CREB5: variants seen among roughly 807,000 people sequenced by gnomAD.
CREB5 encodes the protein cyclic AMP-responsive element-binding protein 5.
Under a neutral mutation model 57.1 loss-of-function variants are expected in CREB5, and 19 were observed. That is an observed-to-expected ratio of 0.33 (90% confidence interval 0.23 to 0.49). CREB5 has a LOEUF of 0.49. CREB5 is among the 20% of genes least tolerant of loss of function. CREB5 has a pLI of 0.99. For synonymous variants in CREB5, 238 were observed against 238.3 expected (o/e 1.00, Z 0.01); for missense variants, 579 against 671.6 (o/e 0.86, Z 1.52).
intron 5 of CREB5, among the ~76,000 whole-genome samples, chr7:28,656,499 T>A (rs1342402477): frequency 6.6e-6 from 1 of 152,220 alleles, no homozygotes; most frequent in Non-Finnish European, 1.5e-5. Flanking sequence ...TATTTCTAAG[T>A]TAAAATCAGA....
Position 28,822,761 on chromosome 7 carries a change from C to G in CREB5, c.*3482C>G, listed in dbSNP as rs868191293. The G allele has an allele frequency of 6.6e-6, 1 of 152,528 alleles. No individual in the cohort carries two copies. The highest frequency in any genetic ancestry group is 1.5e-5 in the Non-Finnish European group (1 of 68,034). The allele number at this position is 152,528 out of a possible 1,614,324, so 9.4% of individuals were successfully genotyped here. ...TCTCCTTGACACATTTCTCAATCCA[C>G]GAAGCCAGGAGAGGTAGAGTGAAAA... On this transcript the variant is annotated 3_prime_UTR_variant, in exon 11 of 11. Coordinates refer to ENST00000357727, the MANE Select transcript of CREB5 (RefSeq NM_182898.4).
chr7:28,664,084 T>C (rs1344914557), intron 5 of CREB5, among the ~76,000 whole-genome samples: 2 of 152,236 alleles, frequency 1.3e-5, no homozygotes, highest in South Asian at 4.1e-4. Context: ...GTGATGCTGA[T>C]GCTGCTGGTC....
intron 9 of CREB5, among the ~76,000 whole-genome samples, chr7:28,816,580 T>G (rs879388962): frequency 1.1e-3 from 51 of 44,898 alleles, no homozygotes; most frequent in Middle Eastern, 0.022. Context: ...TTTTATTTTA[T>G]TATTTTTGTT....
intron 3 of CREB5, among the ~76,000 whole-genome samples, chr7:28,501,798 CGT>C (rs1295100821): frequency 6.6e-6 from 1 of 152,088 alleles, no homozygotes. Flanking sequence ...CATGGTTGAT[CGT>C]GAGTAGGTGT....
intron 5 of CREB5, among the ~76,000 whole-genome samples, chr7:28,612,426 C>T (rs1015403744): frequency 2.0e-5 from 3 of 151,850 alleles, no homozygotes; most frequent in Admixed American, 6.6e-5. Flanking sequence ...GTACAGGAGA[C>T]ACTTTAAAAA....
At chr7:28,704,833 A>AT in intron 5 of CREB5, among the ~76,000 whole-genome samples, 1 of 152,084 alleles carries the variant, frequency 6.6e-6, no homozygotes, top group Non-Finnish European at 1.5e-5. Flanking sequence ...TGGTTCAGCC[A>AT]TTTTTTGTGT....
At chr7:28,379,087 C>T (rs1363376178) in intron 1 of CREB5, among the ~76,000 whole-genome samples, 3 of 152,206 alleles carry the variant, frequency 2.0e-5, no homozygotes, top group African/African-American at 7.2e-5. Flanking sequence ...TTCCCTCATA[C>T]TTTCATGGCT....
At chr7:28,742,755 T>C (rs531362564) in intron 7 of CREB5, among the ~76,000 whole-genome samples, 1 of 152,302 alleles carries the variant, frequency 6.6e-6, no homozygotes, top group Non-Finnish European at 1.5e-5. Flanking sequence ...TTTCAAGTAG[T>C]ATCACACACT....
intron 7 of CREB5, among the ~76,000 whole-genome samples, chr7:28,775,210 G>A (rs530719900): frequency 5.3e-5 from 8 of 151,956 alleles, no homozygotes; most frequent in South Asian, 4.2e-4. Context: ...CACTATTCCC[G>A]TTGCCCACAA....
At chr7:28,699,987 A>G (rs1335691009) in intron 5 of CREB5, among the ~76,000 whole-genome samples, 1 of 152,206 alleles carries the variant, frequency 6.6e-6, no homozygotes, top group African/African-American at 2.4e-5. Flanking sequence ...TTTTATATGT[A>G]TATAGTTCCC....
intron 1 of CREB5, among the ~76,000 whole-genome samples, chr7:28,459,486 A>G (rs1269876642): frequency 6.6e-6 from 1 of 152,156 alleles, no homozygotes; most frequent in Non-Finnish European, 1.5e-5. Flanking sequence ...AGGGCCCTTC[A>G]AAGGGTCCAT....
At chr7:28,511,669 AATG>A (rs1792706134) in intron 4 of CREB5, among the ~76,000 whole-genome samples, 1 of 152,022 alleles carries the variant, frequency 6.6e-6, no homozygotes, top group Non-Finnish European at 1.5e-5. Context: ...TATTTTTTGT[AATG>A]ATGGGGTTTC....
chr7:28,440,096 A>T (rs1789123488), intron 1 of CREB5, among the ~76,000 whole-genome samples: 2 of 152,196 alleles, frequency 1.3e-5, no homozygotes, highest in Admixed American at 6.5e-5. Flanking sequence ...GGTGCAAAAC[A>T]TTCCAACAGG....
chr7:28,459,121 G>A (rs1040457963), intron 1 of CREB5, among the ~76,000 whole-genome samples: 2 of 152,204 alleles, frequency 1.3e-5, no homozygotes, highest in Non-Finnish European at 2.9e-5. Flanking sequence ...TAACGCCCCA[G>A]TGAAAGTGGG....
intron 5 of CREB5, among the ~76,000 whole-genome samples, chr7:28,646,162 T>C (rs548368417): frequency 6.6e-6 from 1 of 152,314 alleles, no homozygotes; most frequent in African/African-American, 2.4e-5. Context: ...TAGATCTGTT[T>C]ATCACTTTAT....
intron 1 of CREB5, among the ~76,000 whole-genome samples, chr7:28,353,805 T>C (rs1786285295): frequency 7.9e-6 from 1 of 126,254 alleles, no homozygotes; most frequent in Non-Finnish European, 1.7e-5. Flanking sequence ...ATCACACCAC[T>C]GCACTCCAGC....
chr7:28,428,444 G>T (rs973664699), intron 1 of CREB5, among the ~76,000 whole-genome samples: 5 of 152,170 alleles, frequency 3.3e-5, no homozygotes, highest in African/African-American at 1.2e-4. Context: ...ACAATGGTGG[G>T]CTGGACTGGG....
upstream of CREB5, among the ~76,000 whole-genome samples, chr7:28,407,725 G>A (rs530247941): frequency 3.1e-4 from 47 of 152,246 alleles, no homozygotes; most frequent in African/African-American, 1.1e-3. Context: ...TGGTTTCAAG[G>A]AACACTAAAG....
chr7:28,314,519 C>G (rs1425620813), intron 1 of CREB5, among the ~76,000 whole-genome samples: 3 of 152,148 alleles, frequency 2.0e-5, no homozygotes, highest in Admixed American at 6.6e-5. Flanking sequence ...TTTTCATTGT[C>G]TGGTCAAAAC....
Sources: allele counts gnomAD v4.1 joint callset (sites outside exome capture counted in the v4.1 genomes callset), GRCh38; gene constraint gnomAD v4.1.1; transcripts MANE v1.5; gene names NCBI Gene and HGNC (gene_info 2026-07-23, HGNC 2026-07-21).